Variants in CCNY observed in about 807,000 individuals in gnomAD.
CCNY encodes the protein cyclin Y, also known as cyclin-Y.
In CCNY, 19 loss-of-function variants were observed where a neutral mutation model predicts 42.8. The observed-to-expected ratio is 0.44, with a 90% confidence interval of 0.31 to 0.65. The LOEUF (loss-of-function observed/expected upper bound fraction) is 0.65, where lower values mean the gene tolerates loss of function less well. Ranked by LOEUF, CCNY falls within the 30% of genes least tolerant of loss-of-function variation. The probability of loss-of-function intolerance (pLI) is 0.07; values close to 1 mark genes in which losing one functional copy is unlikely to be tolerated. For synonymous variants in CCNY, 165 were observed against 162.7 expected (o/e 1.01, Z -0.11); for missense variants, 370 against 437.3 (o/e 0.85, Z 1.37).
At chr10:35,318,628 A>G (rs1336179387) in intron 3 of CCNY, among the ~76,000 whole-genome samples, 2 of 152,114 alleles carry the variant, frequency 1.3e-5, no homozygotes, top group African/African-American at 4.8e-5. Flanking sequence ...TTCTGACTAT[A>G]TGTTTCCCTT....
At chr10:35,456,747 AG>A (rs1839043762) in intron 1 of CCNY, among the ~76,000 whole-genome samples, 1 of 152,234 alleles carries the variant, frequency 6.6e-6, no homozygotes, top group Admixed American at 6.5e-5. Flanking sequence ...AGAATGAAGT[AG>A]GAAATACATT....
chr10:35,333,638 T>C (rs954313871), upstream of CCNY, among the ~76,000 whole-genome samples: 1 of 152,244 alleles, frequency 6.6e-6, no homozygotes, highest in Non-Finnish European at 1.5e-5. Flanking sequence ...TAGATAGGTT[T>C]ACTTATCAAA....
At chr10:35,305,843 T>C (rs1191978084) in intron 3 of CCNY, among the ~76,000 whole-genome samples, 1 of 152,182 alleles carries the variant, frequency 6.6e-6, no homozygotes, top group Non-Finnish European at 1.5e-5. Flanking sequence ...AATGTCCCTG[T>C]GGATGGTGCT....
chr10:35,322,121 C>G lies in CCNY; in HGVS notation c.-9+71495C>G, dbSNP rs75342993. Among the ~76,000 whole-genome samples the G allele has an allele frequency of 3.6e-4, 55 of 152,198 alleles. 2 individuals carry two copies. The East Asian group carries it at 0.01, about 28-fold the overall frequency. ...CTGTAATCCCAGCACTATGGGAGAACGAAGCGGGTGGATCACCAGGTCAGG... is the reference window on the plus strand; with the variant it reads ...CTGTAATCCCAGCACTATGGGAGAAGGAAGCGGGTGGATCACCAGGTCAGG... On this transcript the variant is annotated intron_variant, in intron 3 of 11. Coordinates refer to the CCNY transcript ENST00000374706.
At chr10:35,556,104 AC>A (rs1448147844) in intron 8 of CCNY, among the ~76,000 whole-genome samples, 10 of 152,112 alleles carry the variant, frequency 6.6e-5, no homozygotes, top group Non-Finnish European at 8.8e-5. Flanking sequence ...TGCCCAGGCT[AC>A]CCCATTGCCA....
chr10:35,348,202 G>A (rs1397172669), intron 1 of CCNY, among the ~76,000 whole-genome samples: 1 of 152,202 alleles, frequency 6.6e-6, no homozygotes, highest in Non-Finnish European at 1.5e-5. Context: ...TGTTATTGAA[G>A]AGTTACAAGT....
chr10:35,416,160 C>CCTGT lies in CCNY; in HGVS notation c.155-67244_155-67243insCTGT, dbSNP rs368624587. Among the ~76,000 whole-genome samples, 3 of 144,500 alleles carry CCTGT rather than the reference C, an allele frequency of 2.1e-5. No homozygotes were observed. The South Asian group carries it at 6.8e-4, about 33-fold the overall frequency. The allele number at this position is 144,500 out of a possible 152,430, so 94.8% of individuals were successfully genotyped here. On this transcript the variant is annotated intron_variant, in intron 1 of 9. Transcript: ENST00000374704. ...ACCTGATCTGGAAACTTGTGGCACC[C>CCTGT]GTGTGTGTGTGTGTGTGTGTGTGTG...
intron 1 of CCNY, among the ~76,000 whole-genome samples, chr10:35,366,332 C>G (rs1836807393): frequency 6.6e-6 from 1 of 152,206 alleles, no homozygotes; most frequent in African/African-American, 2.4e-5. Context: ...AGTGATCAGA[C>G]TTTCTAATTC....
chr10:35,312,384 A>C (rs12778009), intron 3 of CCNY, among the ~76,000 whole-genome samples: 350 of 65,842 alleles, frequency 5.3e-3, no homozygotes, highest in Middle Eastern at 6.8e-3. Flanking sequence ...CTGTGTCACA[A>C]AAAAAAAAAA....
At chr10:35,394,052 G>T (rs1837472157) in intron 1 of CCNY, among the ~76,000 whole-genome samples, 1 of 152,188 alleles carries the variant, frequency 6.6e-6, no homozygotes, top group Non-Finnish European at 1.5e-5. Context: ...CCAGTGTTTG[G>T]TTCAGTGGAC....
At chr10:35,321,880 C>T (rs1037329439) in intron 3 of CCNY, among the ~76,000 whole-genome samples, 2 of 151,918 alleles carry the variant, frequency 1.3e-5, no homozygotes, top group Admixed American at 6.6e-5. Context: ...TAAATGAACC[C>T]GCATGTCTAT....
At chr10:35,506,594 T>C (rs1840219605) in intron 3 of CCNY, among the ~76,000 whole-genome samples, 1 of 152,186 alleles carries the variant, frequency 6.6e-6, no homozygotes, top group Non-Finnish European at 1.5e-5. Flanking sequence ...GTCACTCTTG[T>C]AATGAGGCAC....
chr10:35,534,950 T>TAC (rs1840849756), intron 7 of CCNY, among the ~76,000 whole-genome samples: 1 of 143,200 alleles, frequency 7.0e-6, no homozygotes, highest in East Asian at 2.1e-4. Flanking sequence ...TGAGTGGGGA[T>TAC]ACATACACAC....
intron 1 of CCNY, among the ~76,000 whole-genome samples, chr10:35,399,648 C>A (rs530571489): frequency 6.6e-6 from 1 of 152,272 alleles, no homozygotes; most frequent in Admixed American, 6.5e-5. Flanking sequence ...TCAAGACCAG[C>A]CTGGGCAACA....
intron 1 of CCNY, among the ~76,000 whole-genome samples, chr10:35,340,137 G>T (rs1327839415): frequency 6.6e-6 from 1 of 152,122 alleles, no homozygotes; most frequent in Non-Finnish European, 1.5e-5. Context: ...TTAAGACAAA[G>T]AAATGAGTCA....
At chr10:35,554,524 C>T (rs1009281102) in intron 8 of CCNY, among the ~76,000 whole-genome samples, 3 of 152,084 alleles carry the variant, frequency 2.0e-5, no homozygotes, top group African/African-American at 4.8e-5. Context: ...CATTTGGGTG[C>T]GAGGTATAAG....
intron 8 of CCNY, among the ~76,000 whole-genome samples, chr10:35,555,470 A>G (rs537187262): frequency 3.3e-5 from 5 of 152,340 alleles, no homozygotes; most frequent in African/African-American, 1.2e-4. Flanking sequence ...TATAATCACA[A>G]TAACAACAAC....
chr10:35,540,563 ACTT>A (rs1840979052), intron 7 of CCNY, among the ~76,000 whole-genome samples: 1 of 146,094 alleles, frequency 6.8e-6, no homozygotes, highest in African/African-American at 2.6e-5. Flanking sequence ...TATTCCTTCT[ACTT>A]TTTTTTTTTT....
At chr10:35,412,588 T>C (rs906132287) in intron 1 of CCNY, among the ~76,000 whole-genome samples, 3 of 151,700 alleles carry the variant, frequency 2.0e-5, no homozygotes, top group African/African-American at 2.4e-5. Flanking sequence ...CTGTGGCTCA[T>C]GTCTGTAATC....
Sources: allele counts gnomAD v4.1 joint callset (sites outside exome capture counted in the v4.1 genomes callset), GRCh38; gene constraint gnomAD v4.1.1; transcripts MANE v1.5; gene names NCBI Gene and HGNC (gene_info 2026-07-23, HGNC 2026-07-21).